The following GLIS3 variants were observed in gnomAD, a reference collection of about 807,000 sequenced individuals.
GLIS3 encodes GLIS family zinc finger 3.
A neutral mutation model predicts 78.6 loss-of-function variants in GLIS3; 53 were observed. The ratio of observed to expected loss-of-function variants is 0.67; its 90% CI spans 0.54 to 0.85. The LOEUF (loss-of-function observed/expected upper bound fraction) is 0.85, where lower values mean the gene tolerates loss of function less well. Among genes scored for constraint, GLIS3 ranks in the 40% least tolerant of loss-of-function variants. The pLI is 0.00. For missense variants in GLIS3, 1,703 were observed against 1,231.1 expected, an observed-to-expected ratio of 1.38 and a Z score of -5.74; for synonymous variants, 684 against 509.9, an observed-to-expected ratio of 1.34 and a Z score of -4.60.
intron 4 of GLIS3, among the ~76,000 whole-genome samples, chr9:4,090,777 C>G (rs10974327): frequency 0.26 from 39,491 of 152,136 alleles, 5,476 homozygotes; most frequent in South Asian, 0.45. Flanking sequence ...GTAAACATAG[C>G]ACAAAACACA....
intron 4 of GLIS3, among the ~76,000 whole-genome samples, chr9:4,079,989 G>A (rs765796746): frequency 2.2e-4 from 34 of 152,166 alleles, no homozygotes; most frequent in Non-Finnish European, 4.3e-4. Context: ...CTCCTTAAGG[G>A]TGGAAAATAT....
chr9:4,231,551 A>C (rs1033770518), intron 2 of GLIS3, among the ~76,000 whole-genome samples: 6 of 152,214 alleles, frequency 3.9e-5, no homozygotes, highest in African/African-American at 1.4e-4. Flanking sequence ...AGATAAATCC[A>C]CATCTAGATA....
intron 2 of GLIS3, among the ~76,000 whole-genome samples, chr9:4,133,234 T>C (rs1037501091): frequency 6.6e-6 from 1 of 152,196 alleles, no homozygotes; most frequent in Admixed American, 6.5e-5. Context: ...TATATAACCA[T>C]AATATAATCA....
At chr9:4,251,265 G>C (rs970271172) in intron 2 of GLIS3, among the ~76,000 whole-genome samples, 7 of 152,090 alleles carry the variant, frequency 4.6e-5, no homozygotes, top group Non-Finnish European at 1.0e-4. Flanking sequence ...GTCTCTAAGA[G>C]CTTGCTTTAT....
At chr9:4,310,755 T>C (rs1448358310) in intron 2 of GLIS3, among the ~76,000 whole-genome samples, 1 of 152,178 alleles carries the variant, frequency 6.6e-6, no homozygotes, top group Non-Finnish European at 1.5e-5. Context: ...AGGAGGATTT[T>C]TTGGGAAGGT....
At chr9:4,057,959 G>A (rs927928180) in intron 4 of GLIS3, among the ~76,000 whole-genome samples, 5 of 152,138 alleles carry the variant, frequency 3.3e-5, no homozygotes, top group Admixed American at 1.3e-4. Context: ...CTAAAAATAT[G>A]TATAGGTGTT....
chr9:4,087,563 G>A lies in GLIS3; in HGVS notation c.1710+30205C>T, dbSNP rs369154460. 8.5e-5 allele frequency among the ~76,000 whole-genome samples: 13 copies of A among 152,248 alleles called. No homozygotes were observed. In the East Asian group the frequency reaches 1.4e-3, roughly 16 times the overall value. On this transcript the variant is annotated intron_variant, in intron 4 of 10. Coordinates refer to ENST00000381971, the MANE Select transcript of GLIS3 (RefSeq NM_001042413.2). ...CAGTTTGAAAACCCCATGATATGGA[G>A]AAAAGCAAAAAGTACAGGATGTGGG...
chr9:4,142,063 T>C (rs946609492), intron 2 of GLIS3, among the ~76,000 whole-genome samples: 11 of 152,142 alleles, frequency 7.2e-5, no homozygotes, highest in African/African-American at 2.7e-4. Flanking sequence ...TATCTGAAAT[T>C]AGGTCAAAAA....
At position 3,970,550 on chromosome 9, in the gene GLIS3, C is replaced by G. The variant is rs141183078; in HGVS notation, c.1711-33361G>C. Among the ~76,000 whole-genome samples the G allele has an allele frequency of 6.5e-3, 983 of 152,192 alleles. 10 individuals are homozygous for G. Among genetic ancestry groups the G allele is most frequent in the South Asian group, 9.3e-3 (45 of 4,822 alleles). Reference sequence around the variant, plus strand: ...ATAAGAGACTACCAGTGTTACCTTGCCCCTGAACAAGGCCCAGGATGCTGC... The same window carrying G: ...ATAAGAGACTACCAGTGTTACCTTGGCCCTGAACAAGGCCCAGGATGCTGC... On this transcript the variant is annotated intron_variant, in intron 4 of 10. Transcript: ENST00000381971.
At chr9:4,279,885 T>A (rs1211155869) in intron 2 of GLIS3, among the ~76,000 whole-genome samples, 1 of 151,644 alleles carries the variant, frequency 6.6e-6, no homozygotes, top group East Asian at 1.9e-4. Flanking sequence ...TAATATATGA[T>A]CTTTGATTAG....
intron 4 of GLIS3, among the ~76,000 whole-genome samples, chr9:3,965,193 C>CT (rs34951383): frequency 0.18 from 18,000 of 99,994 alleles, 1,968 homozygotes; most frequent in Middle Eastern, 0.23. Flanking sequence ...CTTTTCTTTT[C>CT]TTTTTTTTTT....
chr9:4,010,922 T>C (rs146924222), intron 4 of GLIS3, among the ~76,000 whole-genome samples: 3 of 152,318 alleles, frequency 2.0e-5, no homozygotes, highest in East Asian at 1.9e-4. Context: ...GGTATGTATG[T>C]AGATACGCAT....
intron 4 of GLIS3, among the ~76,000 whole-genome samples, chr9:3,938,317 T>C (rs1453716369): frequency 1.3e-5 from 2 of 151,430 alleles, no homozygotes; most frequent in Non-Finnish European, 2.9e-5. Context: ...TGCAGGGGGG[T>C]GAGGGTGGGT....
At chr9:4,232,934 A>C (rs1822403156) in intron 2 of GLIS3, among the ~76,000 whole-genome samples, 1 of 152,232 alleles carries the variant, frequency 6.6e-6, no homozygotes, top group African/African-American at 2.4e-5. Flanking sequence ...GAATCAGTGT[A>C]TAGACAAAAT....
At chr9:4,049,280 G>A (rs548662144) in intron 4 of GLIS3, among the ~76,000 whole-genome samples, 4 of 152,114 alleles carry the variant, frequency 2.6e-5, no homozygotes, top group Non-Finnish European at 5.9e-5. Flanking sequence ...CCTCTGCCTT[G>A]ATACCTAAGA....
chr9:4,437,346 G>C, the GLIS3 span, among the ~76,000 whole-genome samples: 4 of 152,120 alleles, frequency 2.6e-5, no homozygotes, highest in East Asian at 7.7e-4. Context: ...TGATTTGAAT[G>C]AGATTGTTTT....
rs781316014 is a variant in GLIS3 at position 3,879,569 on chromosome 9, T to C, written c.2155A>G (p.Ser719Gly). ...SAPIFSSNYS[S>G]RSGTAAGAVP... is the part of the protein sequence containing the mutation. Reference sequence around the variant, plus strand: ...GCCCCAGCAGCTGTTCCACTTCGGCTTGAATAATTGCTGGAGAAAATGGGA... The same window carrying C: ...GCCCCAGCAGCTGTTCCACTTCGGCCTGAATAATTGCTGGAGAAAATGGGA... Residue 719 changes from serine to glycine, a missense_variant, in exon 8 of 11, where the codon AGC (serine) becomes GGC (glycine). Transcript: ENST00000381971. The C allele has an allele frequency of 6.2e-7, 1 of 1,614,044 alleles. No homozygotes were observed. The highest frequency in any genetic ancestry group is 2.2e-5 in the East Asian group (1 of 44,856).
intron 4 of GLIS3, among the ~76,000 whole-genome samples, chr9:4,020,872 C>G (rs1822828262): frequency 6.6e-6 from 1 of 152,316 alleles, no homozygotes; most frequent in Middle Eastern, 3.4e-3. Context: ...TCGTGTATCT[C>G]CTGATCACAG....
intron 2 of GLIS3, among the ~76,000 whole-genome samples, chr9:4,199,713 G>T (rs932402354): frequency 1.3e-5 from 2 of 152,012 alleles, no homozygotes; most frequent in South Asian, 2.1e-4. Context: ...AATAGTGGGG[G>T]ACTTCAACAC....
Sources: gnomAD v4.1 joint callset for allele counts (sites outside exome capture counted in the v4.1 genomes callset) on GRCh38, gnomAD v4.1.1 for gene constraint, MANE v1.5 for transcripts, NCBI Gene and HGNC (gene_info 2026-07-23, HGNC 2026-07-21) for gene names.